Variants in SGCD observed in about 807,000 individuals in gnomAD.
SGCD encodes the protein sarcoglycan delta, also known as delta-sarcoglycan.
In SGCD, 18 loss-of-function variants were observed where a neutral mutation model predicts 36.6. That is an observed-to-expected ratio of 0.49 (90% CI 0.34 to 0.73). The LOEUF is 0.73. SGCD is among the 30% of genes least tolerant of loss of function. The probability of loss-of-function intolerance (pLI) is 0.01; values close to 1 mark genes in which losing one functional copy is unlikely to be tolerated. For missense variants in SGCD, 387 were observed against 346.7 expected (o/e 1.12, Z -0.92); for synonymous variants, 133 against 130.6 (o/e 1.02, Z -0.12).
At chr5:156,019,270 T>C (rs1238680195) in intron 1 of SGCD, among the ~76,000 whole-genome samples, 1 of 152,206 alleles carries the variant, frequency 6.6e-6, no homozygotes, top group East Asian at 1.9e-4. Context: ...TAGGGAGCAG[T>C]AAATCACCAT....
intron 6 of SGCD, among the ~76,000 whole-genome samples, chr5:156,602,148 T>C (rs958936283): frequency 1.3e-5 from 2 of 150,120 alleles, no homozygotes; most frequent in Admixed American, 6.6e-5. Flanking sequence ...GTTTTCAGTA[T>C]AGAGATCTTT....
At chr5:155,849,414 A>AC in the SGCD span, among the ~76,000 whole-genome samples, 2 of 149,338 alleles carry the variant, frequency 1.3e-5, no homozygotes, top group African/African-American at 4.9e-5. Flanking sequence ...CACACCCACC[A>AC]CCCCCCTCCA....
At chr5:155,882,254 C>G (rs776229747) in intron 1 of SGCD, among the ~76,000 whole-genome samples, 9 of 151,634 alleles carry the variant, frequency 5.9e-5, no homozygotes, top group Admixed American at 2.0e-4. Context: ...TTTTAAAAAA[C>G]TTTTTATAGA....
At chr5:155,830,120 G>C in the SGCD span, among the ~76,000 whole-genome samples, 1 of 152,092 alleles carries the variant, frequency 6.6e-6, no homozygotes, top group Non-Finnish European at 1.5e-5. Context: ...TGTTTTCCAG[G>C]GAATTACAGT....
intron 3 of SGCD, among the ~76,000 whole-genome samples, chr5:156,264,613 A>G (rs1303963112): frequency 2.0e-5 from 3 of 152,132 alleles, no homozygotes; most frequent in Non-Finnish European, 2.9e-5. Flanking sequence ...AATAATACCC[A>G]TGTAAGAGTT....
chr5:156,704,544 A>G (rs1754662267), intron 7 of SGCD, among the ~76,000 whole-genome samples: 1 of 152,196 alleles, frequency 6.6e-6, no homozygotes, highest in African/African-American at 2.4e-5. Flanking sequence ...GGAAATGAAT[A>G]CTGGGCAGGT....
chr5:156,318,234 TAAG>T (rs1767569312), intron 3 of SGCD, among the ~76,000 whole-genome samples: 1 of 152,178 alleles, frequency 6.6e-6, no homozygotes, highest in African/African-American at 2.4e-5. Context: ...TCTCTTCCTC[TAAG>T]AAGATCTATG....
chr5:155,734,230 G>A, the SGCD span, among the ~76,000 whole-genome samples: 1 of 150,460 alleles, frequency 6.6e-6, no homozygotes, highest in Non-Finnish European at 1.5e-5. Context: ...ATATGAGACA[G>A]GGTCTGGCTC....
chr5:156,250,599 A>G, intron 3 of SGCD, among the ~76,000 whole-genome samples: 1 of 152,182 alleles, frequency 6.6e-6, no homozygotes, highest in East Asian at 1.9e-4. Context: ...AAAAAGGGAA[A>G]GAGAAGAGGT....
chr5:156,484,526 G>A (rs761383760), intron 3 of SGCD, among the ~76,000 whole-genome samples: 4 of 152,174 alleles, frequency 2.6e-5, no homozygotes, highest in Non-Finnish European at 4.4e-5. Flanking sequence ...AAGGAAGAAA[G>A]TATTGAATTA....
At chr5:155,845,037 C>G in the SGCD span, among the ~76,000 whole-genome samples, 1 of 152,110 alleles carries the variant, frequency 6.6e-6, no homozygotes, top group African/African-American at 2.4e-5. Context: ...AGTCCCCCAT[C>G]CATGACAGGC....
At chr5:156,429,344 G>C (rs960139064) in intron 3 of SGCD, among the ~76,000 whole-genome samples, 13 of 145,758 alleles carry the variant, frequency 8.9e-5, no homozygotes, top group Non-Finnish European at 1.8e-4. Flanking sequence ...GCTCACTTTT[G>C]GTTTCCGTTT....
intron 7 of SGCD, among the ~76,000 whole-genome samples, chr5:156,723,879 A>G (rs796483585): frequency 1.5e-5 from 2 of 132,738 alleles, no homozygotes; most frequent in African/African-American, 6.1e-5. Flanking sequence ...GTGTGTGTGT[A>G]TGCATGCATG....
chr5:156,213,118 T>G (rs1471753010), intron 3 of SGCD, among the ~76,000 whole-genome samples: 6 of 151,800 alleles, frequency 4.0e-5, no homozygotes, highest in Non-Finnish European at 8.8e-5. Context: ...TAACTAAGCT[T>G]AAAGTTAGTA....
chr5:156,744,894 G>T (rs1013158348), intron 7 of SGCD, among the ~76,000 whole-genome samples: 1 of 152,188 alleles, frequency 6.6e-6, no homozygotes, highest in Non-Finnish European at 1.5e-5. Flanking sequence ...GACCTCCAGT[G>T]CAACACAGAT....
chr5:156,381,996 A>T (rs1771009510), intron 3 of SGCD, among the ~76,000 whole-genome samples: 1 of 152,222 alleles, frequency 6.6e-6, no homozygotes, highest in Non-Finnish European at 1.5e-5. Flanking sequence ...TATTATCATA[A>T]ACATAATTTT....
Position 155,935,833 on chromosome 5 carries a change from T to C in SGCD, c.-282+65409T>C, listed in dbSNP as rs141234819. On this transcript the variant is annotated intron_variant, in intron 1 of 9. Transcript: ENST00000517913. ...CTGCACTTGGCTCACGCTACCAGCA[T>C]GGATCCATCGCCTGCCAAGGGTGAG... Among the ~76,000 whole-genome samples, 1,209 of 152,306 alleles carry C rather than the reference T, an allele frequency of 7.9e-3. 22 individuals are homozygous for C. The highest frequency in any genetic ancestry group is 0.027 in the African/African-American group (1,140 of 41,574).
At chr5:156,360,891 C>T (rs1038424184) in intron 3 of SGCD, among the ~76,000 whole-genome samples, 12 of 152,066 alleles carry the variant, frequency 7.9e-5, no homozygotes, top group Non-Finnish European at 1.6e-4. Context: ...AAGGGCTTGG[C>T]GCCCACCAAG....
chr5:156,057,151 C>A (rs534188682), intron 1 of SGCD, among the ~76,000 whole-genome samples: 6 of 146,466 alleles, frequency 4.1e-5, no homozygotes, highest in South Asian at 2.1e-4. Context: ...GGAAAATATT[C>A]ACTATGTAAA....
Sources: allele counts gnomAD v4.1 joint callset (sites outside exome capture counted in the v4.1 genomes callset), GRCh38; gene constraint gnomAD v4.1.1; transcripts MANE v1.5; gene names NCBI Gene and HGNC (gene_info 2026-07-23, HGNC 2026-07-21).